PALD1: variants seen among roughly 807,000 people sequenced by gnomAD.
PALD1 encodes the protein paladin.
PALD1 carries 57 observed loss-of-function variants against 96.0 expected under a neutral mutation model. That is an observed-to-expected ratio of 0.59 (90% CI 0.48 to 0.74). The LOEUF is 0.74. Among genes scored for constraint, PALD1 ranks in the 30% least tolerant of loss-of-function variants. The pLI, the probability that PALD1 is intolerant of heterozygous loss-of-function variation, is 0.00. For missense variants in PALD1, 1,063 were observed against 1,143.7 expected (o/e 0.93, Z 1.02); for synonymous variants, 464 against 473.6 (o/e 0.98, Z 0.26).
chr10:70,475,795 C>CT (rs1418234681), upstream of PALD1, among the ~76,000 whole-genome samples: 1 of 151,924 alleles, frequency 6.6e-6, no homozygotes, highest in Non-Finnish European at 1.5e-5. Flanking sequence ...CTTGCTTGGG[C>CT]TGATGGGGCA....
intron 1 of PALD1, among the ~76,000 whole-genome samples, chr10:70,518,624 A>G (rs919043650): frequency 6.6e-6 from 1 of 152,204 alleles, no homozygotes; most frequent in Non-Finnish European, 1.5e-5. Flanking sequence ...CCATCTTTAC[A>G]TTTTAAAAAA....
intron 5 of PALD1, 138 bp downstream of exon 5, chr10:70,531,592 C>A: frequency 1.3e-6 from 1 of 769,606 alleles, no homozygotes; most frequent in Non-Finnish European, 2.0e-6. Flanking sequence ...TGGCTGGCTG[C>A]AAGGCTGACT....
the PALD1 span, among the ~76,000 whole-genome samples, chr10:70,470,871 G>A: frequency 6.6e-6 from 1 of 151,924 alleles, no homozygotes; most frequent in East Asian, 1.9e-4. Context: ...ACACGATCTC[G>A]GCTCACCGCA....
the PALD1 span, among the ~76,000 whole-genome samples, chr10:70,464,434 G>A: frequency 1.3e-5 from 2 of 151,462 alleles, no homozygotes; most frequent in South Asian, 4.2e-4. Context: ...GGCTGGTCTC[G>A]AACTCCTGAC....
chr10:70,502,012 A>G (rs1268632616), intron 1 of PALD1, among the ~76,000 whole-genome samples: 1 of 152,162 alleles, frequency 6.6e-6, no homozygotes, highest in Non-Finnish European at 1.5e-5. Flanking sequence ...TGACATCCAT[A>G]AAAGAGCCAA....
At chr10:70,513,194 C>A (rs545663645) in intron 1 of PALD1, among the ~76,000 whole-genome samples, 2 of 152,246 alleles carry the variant, frequency 1.3e-5, no homozygotes, top group East Asian at 3.9e-4. Context: ...TTTAAACCTA[C>A]AGACAAATTG....
intron 1 of PALD1, among the ~76,000 whole-genome samples, chr10:70,520,123 C>T (rs1301309064): frequency 3.3e-5 from 5 of 151,610 alleles, no homozygotes; most frequent in African/African-American, 7.3e-5. Flanking sequence ...TTCCGGCCGG[C>T]GGGGAGGGCA....
At chr10:70,565,160 G>T (rs1223295286) in intron 19 of PALD1, among the ~76,000 whole-genome samples, 2 of 152,224 alleles carry the variant, frequency 1.3e-5, no homozygotes, top group Non-Finnish European at 2.9e-5. Flanking sequence ...ATTTTACAGA[G>T]GCAGAGACTG....
chr10:70,484,911 A>G (rs919612656), intron 1 of PALD1, among the ~76,000 whole-genome samples: 1 of 152,268 alleles, frequency 6.6e-6, no homozygotes, highest in Non-Finnish European at 1.5e-5. Context: ...CACACATAGT[A>G]TTGCTAAGCA....
At position 70,506,020 on chromosome 10, in the gene PALD1, C is replaced by CA. The variant is rs34004123; in HGVS notation, c.-29-19891dup. On this transcript the variant is annotated intron_variant, in intron 1 of 19. Coordinates refer to ENST00000263563, the MANE Select transcript of PALD1 (RefSeq NM_014431.3). ...TGGGTGACAAAGCAAGACCCCATCT[C>CA]AAAAAAAAAAAATAGTATTCTTTGG... Among the ~76,000 whole-genome samples the CA allele has an allele frequency of 3.2e-3, 467 of 144,688 alleles. 2 individuals carry two copies. Among genetic ancestry groups the CA allele is most frequent in the South Asian group, 0.023 (108 of 4,642 alleles). The allele number at this position is 144,688 out of a possible 152,430, so 94.9% of individuals were successfully genotyped here. A position where few individuals can be genotyped will look rare whatever the true frequency, so the allele number is the denominator to read the frequency against.
intron 18 of PALD1, among the ~76,000 whole-genome samples, chr10:70,561,640 C>T (rs1472032451): frequency 2.0e-5 from 3 of 152,182 alleles, no homozygotes; most frequent in Non-Finnish European, 4.4e-5. Context: ...CCCTCAAATC[C>T]CCAGAAACCC....
the PALD1 span, among the ~76,000 whole-genome samples, chr10:70,462,271 G>T: frequency 6.6e-6 from 1 of 152,218 alleles, no homozygotes; most frequent in Non-Finnish European, 1.5e-5. Flanking sequence ...TAACATTAAG[G>T]CTTTGGAGCC....
Position 70,519,821 on chromosome 10 carries a change from C to T in PALD1, c.-29-6102C>T, listed in dbSNP as rs978976383. 2.6e-5 allele frequency among the ~76,000 whole-genome samples: 4 copies of T among 152,058 alleles called. No homozygotes were observed. The South Asian group carries it at 6.2e-4, about 24-fold the overall frequency. On this transcript the variant is annotated intron_variant, in intron 1 of 19. Transcript: ENST00000263563. ...AACTCCTGACTTCAGGTGATCTGCC[C>T]GCCTCAGCCTCCCGAAGTGCTGGGA...
chr10:70,561,570 C>CT (rs1294924323), intron 18 of PALD1, among the ~76,000 whole-genome samples: 1 of 152,178 alleles, frequency 6.6e-6, no homozygotes, highest in East Asian at 1.9e-4. Flanking sequence ...TCCCCAGTCT[C>CT]TAAGCAAATC....
At chr10:70,532,530 A>G in intron 5 of PALD1, 91 bp from the exon 6 acceptor site, 1 of 1,341,324 alleles carries the variant, frequency 7.5e-7, no homozygotes, top group South Asian at 1.3e-5. Flanking sequence ...TGGCCTCTGC[A>G]TGGTCTGGTC....
intron 18 of PALD1, among the ~76,000 whole-genome samples, chr10:70,555,851 A>G (rs1847597873): frequency 6.6e-6 from 1 of 152,164 alleles, no homozygotes; most frequent in Non-Finnish European, 1.5e-5. Context: ...AATATAAAAA[A>G]TTAGCCGCGC....
At position 70,547,455 on chromosome 10, in the gene PALD1, C is replaced by T. The variant is rs1347721352; in HGVS notation, c.2262+9C>T. ...TCTGCACCTACCGCCAGGTGAGCCC[C>T]CACCCCACCCCACCCCACCCTGCCC... On this transcript the variant is annotated intron_variant, in intron 18 of 19. Coordinates refer to ENST00000263563, the MANE Select transcript of PALD1 (RefSeq NM_014431.3). 3 of 1,457,966 alleles carry T rather than the reference C, an allele frequency of 2.1e-6. No individual in the cohort carries two copies. The highest frequency in any genetic ancestry group is 2.8e-6 in the Non-Finnish European group (3 of 1,074,864). The allele number at this position is 1,457,966 out of a possible 1,614,324, so 90.3% of individuals were successfully genotyped here. A position where few individuals can be genotyped will look rare whatever the true frequency, so the allele number is the denominator to read the frequency against.
At chr10:70,529,538 C>G (rs1468445950) in intron 3 of PALD1, among the ~76,000 whole-genome samples, 1 of 152,042 alleles carries the variant, frequency 6.6e-6, no homozygotes, top group Non-Finnish European at 1.5e-5. Context: ...ACAAAAGCCC[C>G]TTCCAGGGGA....
chr10:70,558,434 T>G (rs12413000), intron 18 of PALD1, among the ~76,000 whole-genome samples: 76,797 of 152,004 alleles, frequency 0.51, 20,683 homozygotes, highest in Middle Eastern at 0.66. Flanking sequence ...TTCATTGATT[T>G]GACAAACGGT....
Sources: gnomAD v4.1 joint callset for allele counts (sites outside exome capture counted in the v4.1 genomes callset) on GRCh38, gnomAD v4.1.1 for gene constraint, MANE v1.5 for transcripts, NCBI Gene and HGNC (gene_info 2026-07-23, HGNC 2026-07-21) for gene names.